The following USP1 variants were observed in gnomAD, a reference collection of about 807,000 sequenced individuals.
The protein encoded by USP1 is ubiquitin specific peptidase 1, also known as ubiquitin carboxyl-terminal hydrolase 1.
Under a neutral mutation model 72.2 loss-of-function variants are expected in USP1, and 18 were observed. The ratio of observed to expected loss-of-function variants is 0.25; its 90% CI spans 0.17 to 0.37. The LOEUF is 0.37. Ranked by LOEUF, USP1 falls within the 10% of genes least tolerant of loss-of-function variation. The probability of loss-of-function intolerance (pLI) is 1.00; values close to 1 mark genes in which losing one functional copy is unlikely to be tolerated. For missense variants in USP1, 759 were observed against 884.9 expected (o/e 0.86, Z 1.81); for synonymous variants, 354 against 303.7 (o/e 1.17, Z -1.72).
chr1:62,445,396 G>A lies in USP1; in HGVS notation c.1216G>A (p.Val406Ile), dbSNP rs776145187. 7 of 1,583,678 alleles carry A rather than the reference G, an allele frequency of 4.4e-6. No individual in the cohort carries two copies. The Admixed American group carries it at 5.7e-5, about 13-fold the overall frequency. The change falls in exon 6 of 9, where the codon GTA becomes ATA. Residue 406 changes from valine to isoleucine, a missense_variant. By Grantham distance (29) the Val-to-Ile change is conservative. This residue lies in a region of USP1 where 245 missense variants were observed against 240.7 expected (regional missense o/e 1.02). Coordinates refer to ENST00000339950, the MANE Select transcript of USP1 (RefSeq NM_003368.5). ...ATCTCCAGGAAATACTGTTACACCT[G>A]TAAATGTTAATGAAGTTAAACCCAT... ...LESPGNTVTP[V>I]NVNEVKPINK... is the part of the protein sequence containing the mutation.
rs1557555740 is a variant in USP1 at position 62,444,833 on chromosome 1, TAAA to T, written c.658_660del (p.Lys220del). 1 of 1,612,986 alleles carries T rather than the reference TAAA, an allele frequency of 6.2e-7. No homozygotes were observed. The highest frequency in any genetic ancestry group is 1.1e-5 in the South Asian group (1 of 90,960). On this transcript the variant is annotated inframe_deletion, in exon 6 of 9. Transcript: ENST00000339950. Reference sequence around the variant, plus strand: ...AACATTCAAGAAACATGCCAACTCCTAAAAAAAGAAGAAGTAAAAAATGTGGCA... The same window carrying T: ...AACATTCAAGAAACATGCCAACTCCTAAAAGAAGAAGTAAAAAATGTGGCA...
intron 7 of USP1, among the ~76,000 whole-genome samples, chr1:62,447,941 C>G (rs960787044): frequency 8.5e-5 from 13 of 152,222 alleles, no homozygotes; most frequent in Admixed American, 7.2e-4. Flanking sequence ...TGCCCACCAC[C>G]ACGCCCGGCT....
chr1:62,442,529 A>C (rs1645140989), intron 4 of USP1, among the ~76,000 whole-genome samples: 1 of 152,136 alleles, frequency 6.6e-6, no homozygotes, highest in Non-Finnish European at 1.5e-5. Context: ...TTACTTGTAT[A>C]CTATATATTA....
chr1:62,450,586 A>G lies in USP1; in HGVS notation c.1963A>G (p.Ser655Gly). Residue 655 changes from serine (S) to glycine (G), a missense_variant, in exon 9 of 9, where the codon AGT (serine) becomes GGT (glycine). Physicochemically the swap from Ser to Gly is moderately conservative, Grantham distance 56 (BLOSUM62 0). This residue lies in a region of USP1 where 159 missense variants were observed against 140.9 expected (regional missense o/e 1.13). Coordinates refer to ENST00000339950, the MANE Select transcript of USP1 (RefSeq NM_003368.5). Reference protein sequence around the residue: ...SIRVGGNTQPSKVLNKKNVEA... With the variant: ...SIRVGGNTQPGKVLNKKNVEA... ...TAGAGTTGGTGGAAATACACAGCCA[A>G]GTAAAGTTTTGAACAAAAAAAATGT... 6.2e-7 allele frequency: 1 copy of G among 1,614,066 alleles called. No homozygotes were observed. The highest frequency in any genetic ancestry group is 1.1e-5 in the South Asian group (1 of 91,070).
At chr1:62,438,878 A>G (rs908184236) in intron 1 of USP1, among the ~76,000 whole-genome samples, 5 of 152,244 alleles carry the variant, frequency 3.3e-5, no homozygotes, top group African/African-American at 1.2e-4. Context: ...AATTGGATTT[A>G]CACAAAGTGC....
At position 62,437,254 on chromosome 1, in the gene USP1, C is replaced by A. The variant is rs1465416144; in HGVS notation, c.-216C>A. 16 of 398,096 alleles carry A rather than the reference C, an allele frequency of 4.0e-5. No homozygotes were observed. In the Admixed American group the frequency reaches 6.6e-4, roughly 16 times the overall value. 24.7% of individuals were successfully genotyped at this position (398,096 alleles called of 1,614,324 possible). ...CCGCTCTTGGGAGCGGATGGTCACT[C>A]CCCCGCGGGGAGGGCGAGCCGACCA... On this transcript the variant is annotated 5_prime_UTR_variant, in exon 1 of 9. Coordinates refer to ENST00000339950, the MANE Select transcript of USP1 (RefSeq NM_003368.5).
At chr1:62,445,677 C>T (rs981444059) in intron 6 of USP1, among the ~76,000 whole-genome samples, 3 of 151,728 alleles carry the variant, frequency 2.0e-5, no homozygotes, top group Admixed American at 6.6e-5. Context: ...TAATTTATAG[C>T]TTATAAAGTA....
intron 8 of USP1, among the ~76,000 whole-genome samples, chr1:62,449,651 C>T (rs1557558816): frequency 6.6e-6 from 1 of 152,128 alleles, no homozygotes; most frequent in African/African-American, 2.4e-5. Flanking sequence ...GTGGGTGGCT[C>T]ACACCTGTAA....
intron 3 of USP1, among the ~76,000 whole-genome samples, chr1:62,441,939 C>T (rs115585321): frequency 0.011 from 1,727 of 152,100 alleles, 39 homozygotes; most frequent in African/African-American, 0.037. Context: ...GTTGTGTGTC[C>T]GTTGGCGCTG....
In USP1 at chr1:62,442,202, A is replaced by G; in HGVS notation, c.299A>G (p.Tyr100Cys). Residue 100 changes from tyrosine to cysteine, a missense_variant, in exon 4 of 9, where the codon TAT (tyrosine) becomes TGT (cysteine). This residue lies in a region of USP1 where 13 missense variants were observed against 35.5 expected (regional missense o/e 0.37). Transcript: ENST00000339950. ...CAATCTCACTTTTTATAGGTATTATATTTTTGTCCCGGTTTTAAATCTGGA... is the reference window on the plus strand; with the variant it reads ...CAATCTCACTTTTTATAGGTATTATGTTTTTGTCCCGGTTTTAAATCTGGA... ...CYLNSILQVL[Y>C]FCPGFKSGVK... The G allele has an allele frequency of 6.3e-7, 1 of 1,578,450 alleles. No homozygotes were observed. Among genetic ancestry groups the G allele is most frequent in the Non-Finnish European group, 8.7e-7 (1 of 1,152,992 alleles).
At chr1:62,437,591 C>T (rs758961935) in intron 1 of USP1, among the ~76,000 whole-genome samples, 191 bp downstream of exon 1, 10 of 151,970 alleles carry the variant, frequency 6.6e-5, no homozygotes, top group Non-Finnish European at 1.3e-4. Flanking sequence ...AAGGCAGGTG[C>T]GGGCTGGGCG....
chr1:62,439,930 C>T lies in USP1; in HGVS notation c.63C>T (p.Asn21=). ...GLSRGSPSKK[N]RLSLKFFQKK... ...CAAGAGGTAGCCCTTCAAAGAAAAA[C>T]AGACTTTCCTTAAAGTTTTTTCAGA... Residue 21 remains asparagine (N), a synonymous_variant, in exon 2 of 9, where the codon AAC becomes AAT. Transcript: ENST00000339950. 6.4e-7 allele frequency: 1 copy of T among 1,566,544 alleles called. No individual in the cohort carries two copies. The highest frequency in any genetic ancestry group is 2.3e-5 in the East Asian group (1 of 43,156).
chr1:62,448,889 CT>C (rs538775156), intron 8 of USP1, among the ~76,000 whole-genome samples: 80 of 148,266 alleles, frequency 5.4e-4, no homozygotes, highest in Non-Finnish European at 8.1e-4. Context: ...ATTTCTTCTC[CT>C]TTTTTTTTTG....
At position 62,445,392 on chromosome 1, in the gene USP1, A is replaced by T; in HGVS notation, c.1212A>T (p.Thr404=). 6.3e-7 allele frequency: 1 copy of T among 1,590,776 alleles called. No homozygotes were observed. Among genetic ancestry groups the T allele is most frequent in the Non-Finnish European group, 8.5e-7 (1 of 1,171,324 alleles). The part of the protein sequence containing the change: ...CGLESPGNTV[T]PVNVNEVKPI... ...TTGAATCTCCAGGAAATACTGTTAC[A>T]CCTGTAAATGTTAATGAAGTTAAAC... Residue 404 remains threonine, a synonymous_variant, in exon 6 of 9, where the codon ACA becomes ACT. Coordinates refer to ENST00000339950, the MANE Select transcript of USP1 (RefSeq NM_003368.5).
intron 4 of USP1, 122 bp downstream of exon 4, chr1:62,442,421 G>T: frequency 1.5e-6 from 1 of 677,528 alleles, no homozygotes. Flanking sequence ...CTGTTAGCGA[G>T]CTATTGTCAG....
chr1:62,440,111 C>G, intron 2 of USP1, 74 bp downstream of exon 2: 1 of 1,304,528 alleles, frequency 7.7e-7, no homozygotes, highest in Non-Finnish European at 1.0e-6. Flanking sequence ...CAACTCCAGT[C>G]TGACTTGATA....
At chr1:62,446,014 CAGTATATTTTAATGTACATTTAAG>C (rs1156262646) in intron 6 of USP1, among the ~76,000 whole-genome samples, 1 of 152,020 alleles carries the variant, frequency 6.6e-6, no homozygotes, top group Non-Finnish European at 1.5e-5. Flanking sequence ...TAGGGAAGTT[CAGTATATTTTAATGTACATTTAAG>C]AGTACATTTC....
intron 8 of USP1, 104 bp downstream of exon 8, chr1:62,448,770 G>A (rs554624486): frequency 5.0e-6 from 6 of 1,196,860 alleles, no homozygotes; most frequent in South Asian, 1.5e-5. Flanking sequence ...CTGAAATGAA[G>A]TAGATTGTAA....
At position 62,439,847 on chromosome 1, in the gene USP1, C is replaced by T. The variant is rs1366177737; in HGVS notation, c.-21C>T. ...CCTCTATAAATTAACTCTTGACACT[C>T]CTTGGGATTTGAAGAAAAAAATGCC... On this transcript the variant is annotated 5_prime_UTR_variant, in exon 2 of 9. Transcript: ENST00000339950. 3 of 1,380,038 alleles carry T rather than the reference C, an allele frequency of 2.2e-6. No individual in the cohort carries two copies. The highest frequency in any genetic ancestry group is 5.8e-5 in the Admixed American group (2 of 34,490). The allele number at this position is 1,380,038 out of a possible 1,614,324, so 85.5% of individuals were successfully genotyped here.
Sources: allele counts gnomAD v4.1 joint callset (sites outside exome capture counted in the v4.1 genomes callset), GRCh38; gene constraint gnomAD v4.1.1; regional missense constraint gnomAD v4.1.1; transcripts MANE v1.5; gene names NCBI Gene and HGNC (gene_info 2026-07-23, HGNC 2026-07-21).